SPAG16: variants seen among roughly 807,000 people sequenced by gnomAD.
SPAG16 encodes the protein sperm associated antigen 16, also known as sperm-associated antigen 16 protein.
A neutral mutation model predicts 80.4 loss-of-function variants in SPAG16; 86 were observed. The observed-to-expected ratio is 1.07, with a 90% CI of 0.90 to 1.28. The LOEUF (loss-of-function observed/expected upper bound fraction) is 1.28. Among genes scored for constraint, SPAG16 ranks in the 50% most tolerant of loss-of-function variants. The pLI is 0.00. For missense variants in SPAG16, 870 were observed against 765.3 expected (o/e 1.14, Z -1.61); for synonymous variants, 294 against 265.9 (o/e 1.11, Z -1.03).
chr2:213,929,415 G>A (rs774099561), intron 11 of SPAG16, among the ~76,000 whole-genome samples: 2 of 152,136 alleles, frequency 1.3e-5, no homozygotes, highest in Non-Finnish European at 2.9e-5. Context: ...AATGAGTCAT[G>A]CTCAACCACC....
At chr2:213,359,659 G>A (rs749627701) in intron 7 of SPAG16, among the ~76,000 whole-genome samples, 2 of 152,172 alleles carry the variant, frequency 1.3e-5, no homozygotes, top group East Asian at 1.9e-4. Context: ...GAAGTGCCTC[G>A]TTTTTCCAGG....
intron 10 of SPAG16, among the ~76,000 whole-genome samples, chr2:213,511,445 TA>T (rs758588810): frequency 1.1e-4 from 17 of 152,162 alleles, no homozygotes; most frequent in Non-Finnish European, 2.5e-4. Flanking sequence ...GCATTTTTGT[TA>T]GGGGTAATTT....
At chr2:213,621,430 C>T (rs900887630) in intron 10 of SPAG16, among the ~76,000 whole-genome samples, 38 of 152,184 alleles carry the variant, frequency 2.5e-4, no homozygotes, top group Admixed American at 2.4e-3. Context: ...TTAAAAGAGG[C>T]TACTATTGGT....
intron 10 of SPAG16, among the ~76,000 whole-genome samples, chr2:213,492,037 C>T (rs1002728778): frequency 1.3e-5 from 2 of 152,182 alleles, no homozygotes; most frequent in African/African-American, 2.4e-5. Flanking sequence ...CTGTCTACTT[C>T]ATTTCCAATT....
intron 15 of SPAG16, among the ~76,000 whole-genome samples, chr2:214,228,413 A>G (rs1032093271): frequency 6.6e-6 from 1 of 151,914 alleles, no homozygotes; most frequent in Non-Finnish European, 1.5e-5. Context: ...ATTTTACCTC[A>G]TTTTTATAAG....
At chr2:213,927,724 A>G (rs1450369577) in intron 11 of SPAG16, among the ~76,000 whole-genome samples, 2 of 152,192 alleles carry the variant, frequency 1.3e-5, no homozygotes, top group African/African-American at 2.4e-5. Flanking sequence ...TTTGCCTGGC[A>G]CATGGTTTAA....
At chr2:213,907,520 A>G (rs1326039680) in intron 11 of SPAG16, among the ~76,000 whole-genome samples, 2 of 152,162 alleles carry the variant, frequency 1.3e-5, no homozygotes, top group Non-Finnish European at 2.9e-5. Context: ...TAACTCAGCA[A>G]TCCCACTACT....
At chr2:214,014,204 A>C (rs770754339) in intron 13 of SPAG16, 127 bp downstream of exon 13, 4 of 1,200,270 alleles carry the variant, frequency 3.3e-6, no homozygotes, top group Admixed American at 2.4e-5. Context: ...GAACAGTAAA[A>C]AGTTCATAAT....
chr2:214,146,927 G>A (rs71428333), intron 14 of SPAG16, among the ~76,000 whole-genome samples: 13 of 151,812 alleles, frequency 8.6e-5, no homozygotes, highest in African/African-American at 2.2e-4. Flanking sequence ...GCGTTAACCC[G>A]GGAGACGGAC....
intron 10 of SPAG16, among the ~76,000 whole-genome samples, chr2:213,655,264 G>A (rs1035484925): frequency 3.3e-5 from 5 of 152,074 alleles, no homozygotes; most frequent in Non-Finnish European, 7.4e-5. Context: ...CTTCTGTTCC[G>A]TTTTTCTGTG....
intron 15 of SPAG16, among the ~76,000 whole-genome samples, chr2:214,216,161 G>A (rs2058426806): frequency 1.3e-5 from 2 of 152,280 alleles, no homozygotes; most frequent in South Asian, 4.1e-4. Context: ...TATTGATTGG[G>A]ATTGAAAATT....
At chr2:213,448,317 C>T (rs954905359) in intron 9 of SPAG16, among the ~76,000 whole-genome samples, 12 of 152,184 alleles carry the variant, frequency 7.9e-5, no homozygotes, top group Non-Finnish European at 1.6e-4. Flanking sequence ...GATAATTTAT[C>T]CTTGGAGATA....
At chr2:213,682,062 C>G (rs1394896002) in intron 10 of SPAG16, among the ~76,000 whole-genome samples, 1 of 152,172 alleles carries the variant, frequency 6.6e-6, no homozygotes, top group Admixed American at 6.5e-5. Flanking sequence ...CCCAGCCCAA[C>G]CAATCCTAAT....
At chr2:213,614,090 C>T (rs1466770741) in intron 10 of SPAG16, among the ~76,000 whole-genome samples, 1 of 152,184 alleles carries the variant, frequency 6.6e-6, no homozygotes, top group East Asian at 1.9e-4. Context: ...TGGTAAAATA[C>T]TGTTTCCCAA....
At chr2:213,502,758 A>G (rs909361241) in intron 10 of SPAG16, among the ~76,000 whole-genome samples, 12 of 152,208 alleles carry the variant, frequency 7.9e-5, no homozygotes, top group Non-Finnish European at 1.3e-4. Flanking sequence ...TTTACAGAGG[A>G]GTATATAGCA....
chr2:213,929,402 T>C (rs1262356782), intron 11 of SPAG16, among the ~76,000 whole-genome samples: 1 of 152,164 alleles, frequency 6.6e-6, no homozygotes, highest in African/African-American at 2.4e-5. Flanking sequence ...AAATGCAAAA[T>C]TGAATGAGTC....
At chr2:213,785,186 CT>C (rs1359086855) in intron 10 of SPAG16, among the ~76,000 whole-genome samples, 2 of 152,080 alleles carry the variant, frequency 1.3e-5, no homozygotes, top group South Asian at 2.1e-4. Flanking sequence ...ACTACTTAGA[CT>C]TTTTTTACAT....
chr2:213,466,707 G>T (rs1457433932), intron 9 of SPAG16, among the ~76,000 whole-genome samples: 1 of 152,152 alleles, frequency 6.6e-6, no homozygotes, highest in Non-Finnish European at 1.5e-5. Flanking sequence ...TTAAGAAGAG[G>T]CTTACTGCCT....
intron 13 of SPAG16, among the ~76,000 whole-genome samples, chr2:214,014,609 G>T (rs756305896): frequency 1.3e-5 from 2 of 152,096 alleles, no homozygotes; most frequent in Non-Finnish European, 2.9e-5. Flanking sequence ...TTAGGAGAGG[G>T]CAATACATGC....
Sources: allele counts gnomAD v4.1 joint callset (sites outside exome capture counted in the v4.1 genomes callset), GRCh38; gene constraint gnomAD v4.1.1; transcripts MANE v1.5; gene names NCBI Gene and HGNC (gene_info 2026-07-23, HGNC 2026-07-21).